The following SEPTIN10 variants were observed in gnomAD, a reference collection of about 807,000 sequenced individuals.
SEPTIN10 encodes septin 10, also known as septin-10.
SEPTIN10 carries 66 observed loss-of-function variants against 54.8 expected under a neutral mutation model. That is an observed-to-expected ratio of 1.21 (90% CI 0.99 to 1.48). SEPTIN10 has a LOEUF of 1.48. SEPTIN10 is among the 40% of genes most tolerant of loss of function. The pLI is 0.00. For missense variants in SEPTIN10, 620 were observed against 545.6 expected, an observed-to-expected ratio of 1.14 and a Z score of -1.36; for synonymous variants, 161 against 181.0, an observed-to-expected ratio of 0.89 and a Z score of 0.89.
chr2:109,606,386 G>T (rs1400530084), intron 1 of SEPTIN10, among the ~76,000 whole-genome samples: 1 of 152,150 alleles, frequency 6.6e-6, no homozygotes, highest in Non-Finnish European at 1.5e-5. Flanking sequence ...CTGCATTCCA[G>T]TCTGGCGACA....
chr2:109,576,968 T>G (rs929835911), intron 4 of SEPTIN10, among the ~76,000 whole-genome samples: 2 of 152,164 alleles, frequency 1.3e-5, no homozygotes, highest in Admixed American at 1.3e-4. Flanking sequence ...GACACACTAT[T>G]CAGAGTCAAG....
At chr2:109,563,288 T>C (rs1371502895) in intron 8 of SEPTIN10, among the ~76,000 whole-genome samples, 3 of 152,170 alleles carry the variant, frequency 2.0e-5, no homozygotes, top group Non-Finnish European at 1.5e-5. Flanking sequence ...TGAAGAAATT[T>C]AAAAATTTAA....
chr2:109,613,287 C>A, intron 1 of SEPTIN10: 3 of 769,406 alleles, frequency 3.9e-6, no homozygotes, highest in Admixed American at 3.3e-5. Flanking sequence ...AGAGTCAAGG[C>A]GGGAAAAAAA....
At position 109,598,879 on chromosome 2, in the gene SEPTIN10, CAAAAAAAAATAAAAATA is replaced by C. The variant is rs1422590555; in HGVS notation, c.31-5777_31-5761del. ...TGGGTGACAGAGTGAGACTAGGTCT[CAAAAAAAAATAAAAATA>C]AAAAAAAAATTATTATCTGGGCCTA... On this transcript the variant is annotated intron_variant, in intron 1 of 10. Coordinates refer to ENST00000397712, the MANE Select transcript of SEPTIN10 (RefSeq NM_144710.5). Among the ~76,000 whole-genome samples the C allele has an allele frequency of 2.1e-5, 3 of 144,328 alleles. No homozygotes were observed. The East Asian group carries it at 6.1e-4, about 30-fold the overall frequency. 94.7% of individuals were successfully genotyped at this position (144,328 alleles called of 152,430 possible). A position where few individuals can be genotyped will look rare whatever the true frequency, so the allele number is the denominator to read the frequency against.
At chr2:109,547,564 G>C (rs1681618687) in intron 9 of SEPTIN10, among the ~76,000 whole-genome samples, 2 of 152,118 alleles carry the variant, frequency 1.3e-5, no homozygotes, top group East Asian at 3.9e-4. Flanking sequence ...AAATCATCTT[G>C]ATAAACCATA....
rs1286661251 is a variant in SEPTIN10 at position 109,593,034 on chromosome 2, T to C, written c.99+17A>G. 1 of 1,548,242 alleles carries C rather than the reference T, an allele frequency of 6.5e-7. No individual in the cohort carries two copies. Among genetic ancestry groups the C allele is most frequent in the Non-Finnish European group, 8.7e-7 (1 of 1,144,098 alleles). On this transcript the variant is annotated intron_variant, in intron 2 of 10. Transcript: ENST00000397712. Reference sequence around the variant, plus strand: ...ATTTAGAGTACAATATGGTATCTATTTAAAAGACATACTCACTATCTGTTC... The same window carrying C: ...ATTTAGAGTACAATATGGTATCTATCTAAAAGACATACTCACTATCTGTTC...
intron 5 of SEPTIN10, among the ~76,000 whole-genome samples, chr2:109,569,967 CATCTT>C (rs1218514619): frequency 6.6e-6 from 1 of 152,060 alleles, no homozygotes; most frequent in Non-Finnish European, 1.5e-5. Context: ...CACCACCTCT[CATCTT>C]TATGTAGTGC....
chr2:109,549,278 C>T (rs1682205313), intron 9 of SEPTIN10, among the ~76,000 whole-genome samples: 1 of 152,144 alleles, frequency 6.6e-6, no homozygotes, highest in Admixed American at 6.5e-5. Flanking sequence ...CTAGAGATAG[C>T]TCTCTGGTTA....
chr2:109,585,177 A>T lies in SEPTIN10; in HGVS notation c.362T>A (p.Leu121Ter). The change falls in exon 4 of 11, where the codon TTG becomes TAG. Residue 121 changes from leucine to a stop codon, truncating the protein, a stop_gained. Transcript: ENST00000397712. LOFTEE classifies it high-confidence loss of function. ...AAATCCCACTGTATTCACAATGGTC[A>T]ATTTCAATTGAACATTACTTTCCTG... ...ELQESNVQLK[L>*]TIVNTVGFGD... 6.2e-7 allele frequency: 1 copy of T among 1,610,230 alleles called. No individual in the cohort carries two copies. The highest frequency in any genetic ancestry group is 1.7e-5 in the Admixed American group (1 of 59,432).
At chr2:109,565,932 GAGAGA>G (rs1202358878) in intron 6 of SEPTIN10, 73 bp from the exon 7 acceptor site, 6 of 1,277,172 alleles carry the variant, frequency 4.7e-6, no homozygotes, top group African/African-American at 4.4e-5. Context: ...TTTTATGTGA[GAGAGA>G]AGAGAATAAT....
At chr2:109,559,952 G>C (rs573506275) in intron 8 of SEPTIN10, among the ~76,000 whole-genome samples, 1 of 125,442 alleles carries the variant, frequency 8.0e-6, no homozygotes, top group South Asian at 2.5e-4. Flanking sequence ...ATGGGGTCTC[G>C]CTCTGTCACC....
chr2:109,579,823 A>T (rs1690665432), intron 4 of SEPTIN10, among the ~76,000 whole-genome samples: 2 of 152,038 alleles, frequency 1.3e-5, no homozygotes, highest in South Asian at 4.1e-4. Context: ...GATTTAAAAT[A>T]AATAAATAAA....
intron 2 of SEPTIN10, among the ~76,000 whole-genome samples, chr2:109,586,103 G>GA (rs1301386009): frequency 1.3e-5 from 2 of 151,902 alleles, no homozygotes; most frequent in Non-Finnish European, 2.9e-5. Context: ...TCCAAAATAG[G>GA]AAAATATCCA....
chr2:109,581,293 C>T (rs1311173898), intron 4 of SEPTIN10, among the ~76,000 whole-genome samples: 1 of 151,946 alleles, frequency 6.6e-6, no homozygotes, highest in Non-Finnish European at 1.5e-5. Context: ...AAAAATTAGC[C>T]GGGTGTCATA....
At chr2:109,576,705 T>G (rs977567970) in intron 4 of SEPTIN10, among the ~76,000 whole-genome samples, 2 of 152,232 alleles carry the variant, frequency 1.3e-5, no homozygotes, top group East Asian at 3.8e-4. Flanking sequence ...TCTATCTGAA[T>G]GTTTTGTCTT....
chr2:109,602,163 A>G (rs1696734182), intron 1 of SEPTIN10, among the ~76,000 whole-genome samples: 1 of 152,210 alleles, frequency 6.6e-6, no homozygotes, highest in Admixed American at 6.5e-5. Flanking sequence ...GTGGGTAACA[A>G]AGGTAACAAT....
Position 109,593,119 on chromosome 2 carries a change from G to C in SEPTIN10, c.31C>G (p.Leu11Val), listed in dbSNP as rs1694468553. ...TTCGTTGCCATGTGAGACTGAAAGA[G>C]CTAAAAAAGGAATACAAAGGCTTAA... The part of the protein sequence containing the change: MASSEVARHL[L>V]FQSHMATKTT... Residue 11 changes from leucine (L) to valine (V), a missense_variant and splice_region_variant, in exon 2 of 11, where the codon CTC becomes GTC. By Grantham distance (32) the Leu-to-Val change is conservative. Transcript: ENST00000397712. The C allele has an allele frequency of 2.0e-5, 32 of 1,590,066 alleles. No homozygotes were observed. The highest frequency in any genetic ancestry group is 2.7e-5 in the Non-Finnish European group (32 of 1,168,976).
At chr2:109,555,085 G>A (rs1039345118) in intron 8 of SEPTIN10, among the ~76,000 whole-genome samples, 9 of 152,190 alleles carry the variant, frequency 5.9e-5, no homozygotes, top group Non-Finnish European at 7.4e-5. Context: ...TCATCTCTGA[G>A]CTTCTAGTTC....
chr2:109,557,581 C>G (rs1412846857), intron 8 of SEPTIN10, among the ~76,000 whole-genome samples: 1 of 152,204 alleles, frequency 6.6e-6, no homozygotes, highest in African/African-American at 2.4e-5. Context: ...AAGTAATGGA[C>G]TGCTTCTGCA....
Sources: allele counts gnomAD v4.1 joint callset (sites outside exome capture counted in the v4.1 genomes callset), GRCh38; gene constraint gnomAD v4.1.1; transcripts MANE v1.5; gene names NCBI Gene and HGNC (gene_info 2026-07-23, HGNC 2026-07-21).